STX18: variants seen among roughly 807,000 people sequenced by gnomAD.
STX18 encodes the protein syntaxin 18.
STX18 carries 40 observed loss-of-function variants against 50.1 expected under a neutral mutation model. The observed-to-expected ratio is 0.80, with a 90% CI of 0.62 to 1.04. The LOEUF is 1.04. Among genes scored for constraint, STX18 ranks in the 50% least tolerant of loss-of-function variants. The pLI, the probability that STX18 is intolerant of heterozygous loss-of-function variation, is 0.00. For missense variants in STX18, 410 were observed against 415.8 expected, an observed-to-expected ratio of 0.99 and a Z score of 0.12; for synonymous variants, 158 against 151.8, an observed-to-expected ratio of 1.04 and a Z score of -0.30.
At chr4:4,514,670 A>C (rs1255749551) in intron 1 of STX18, among the ~76,000 whole-genome samples, 3 of 152,178 alleles carry the variant, frequency 2.0e-5, no homozygotes, top group Non-Finnish European at 4.4e-5. Context: ...AATCCAGTGA[A>C]AGTGGCATAA....
intron 1 of STX18, among the ~76,000 whole-genome samples, chr4:4,500,607 C>T (rs556541724): frequency 3.9e-5 from 6 of 152,290 alleles, no homozygotes; most frequent in Middle Eastern, 3.4e-3. Context: ...GACCATATAG[C>T]CCTCATATAA....
chr4:4,509,147 A>G (rs561505504), intron 1 of STX18, among the ~76,000 whole-genome samples: 5 of 152,364 alleles, frequency 3.3e-5, no homozygotes, highest in Non-Finnish European at 5.9e-5. Context: ...ACTGTCTTCC[A>G]CAATGGTTGA....
chr4:4,507,554 G>T, intron 1 of STX18: 1 of 767,974 alleles, frequency 1.3e-6, no homozygotes. Flanking sequence ...AAGCGTCCCA[G>T]GAGTGCACTC....
intron 1 of STX18, among the ~76,000 whole-genome samples, chr4:4,473,718 TCCTTAC>T (rs1728038369): frequency 6.6e-6 from 1 of 152,172 alleles, no homozygotes; most frequent in African/African-American, 2.4e-5. Context: ...GGTTTCCATC[TCCTTAC>T]CTCCTTCCCC....
intron 2 of STX18, chr4:4,461,965 C>T (rs754258766): frequency 2.2e-5 from 10 of 456,338 alleles, no homozygotes; most frequent in South Asian, 1.5e-4. Flanking sequence ...AGGGGCCTGT[C>T]CCTGCTGTCT....
intron 5 of STX18, among the ~76,000 whole-genome samples, chr4:4,439,553 CACAT>C (rs1364430530): frequency 1.2e-4 from 17 of 144,356 alleles, no homozygotes; most frequent in African/African-American, 1.8e-4. Context: ...CAGAAACACA[CACAT>C]ATATACCCCC....
intron 2 of STX18, among the ~76,000 whole-genome samples, chr4:4,460,064 C>T (rs986746880): frequency 1.3e-5 from 2 of 152,172 alleles, no homozygotes; most frequent in African/African-American, 4.8e-5. Flanking sequence ...CCCTCCCTGA[C>T]ATTTTCTATC....
chr4:4,503,754 T>C (rs1198892415), intron 1 of STX18, among the ~76,000 whole-genome samples: 1 of 152,100 alleles, frequency 6.6e-6, no homozygotes, highest in Non-Finnish European at 1.5e-5. Context: ...GAGGAAAAGG[T>C]TGTAAAATTG....
chr4:4,512,481 G>GAGTT (rs2108894438), intron 1 of STX18, among the ~76,000 whole-genome samples: 2 of 152,282 alleles, frequency 1.3e-5, no homozygotes, highest in African/African-American at 4.8e-5. Flanking sequence ...GAGTGGGGAT[G>GAGTT]AGTTCCCAGG....
In STX18 at chr4:4,541,955, C is replaced by T; in HGVS notation, c.10G>A (p.Asp4Asn). 6.2e-7 allele frequency: 1 copy of T among 1,604,272 alleles called. No homozygotes were observed. The highest frequency in any genetic ancestry group is 1.1e-5 in the South Asian group (1 of 89,928). The change falls in exon 1 of 11, where the codon GAC (aspartate) becomes AAC (asparagine). Residue 4 changes from aspartate to asparagine, a missense_variant. By Grantham distance (23) the Asp-to-Asn change is conservative (BLOSUM62 1). Coordinates refer to ENST00000306200, the MANE Select transcript of STX18 (RefSeq NM_016930.4). MAV[D>N]ITLLFRASVK... ...CTGGCCCGGAATAGCAGCGTGATGT[C>T]CACCGCCATAGCGACCCGCACCCTC...
At position 4,511,970 on chromosome 4, in the gene STX18, T is replaced by C. The variant is rs181185568; in HGVS notation, c.168+29827A>G. On this transcript the variant is annotated intron_variant, in intron 1 of 10. Transcript: ENST00000306200. ...GGGGTGTTTGTGGGAGAGCTGTACA[T>C]TGTAGAATGTTTAGCAGCATTCCTG... Among the ~76,000 whole-genome samples the C allele has an allele frequency of 2.9e-3, 448 of 152,212 alleles. 2 individuals are homozygous for C. Among genetic ancestry groups the C allele is most frequent in the African/African-American group, 0.01 (429 of 41,528 alleles).
intron 1 of STX18, 23 bp downstream of exon 1, chr4:4,541,774 C>T (rs1476218641): frequency 4.4e-6 from 7 of 1,594,406 alleles, no homozygotes; most frequent in Non-Finnish European, 6.0e-6. Flanking sequence ...CTCAACCCGC[C>T]GTTTCCATAG....
intron 5 of STX18, among the ~76,000 whole-genome samples, chr4:4,453,966 C>A (rs937099797): frequency 1.3e-5 from 2 of 152,172 alleles, no homozygotes; most frequent in African/African-American, 4.8e-5. Context: ...AAGATAAGTA[C>A]AAAAATGAAG....
intron 1 of STX18, among the ~76,000 whole-genome samples, chr4:4,500,378 AT>A (rs1435611933): frequency 2.6e-5 from 4 of 152,182 alleles, no homozygotes; most frequent in African/African-American, 9.6e-5. Context: ...ACATGTGCAG[AT>A]TTTTTTCTTG....
At chr4:4,492,270 A>G (rs1728976688) in intron 1 of STX18, among the ~76,000 whole-genome samples, 1 of 152,116 alleles carries the variant, frequency 6.6e-6, no homozygotes, top group Non-Finnish European at 1.5e-5. Context: ...AGAAATAAGA[A>G]CCTTCTTTCG....
chr4:4,421,546 C>T (rs911800855), intron 9 of STX18, among the ~76,000 whole-genome samples: 5 of 152,184 alleles, frequency 3.3e-5, no homozygotes, highest in Admixed American at 6.5e-5. Context: ...TGAGCCACCG[C>T]GCAGGGCTGA....
At chr4:4,450,275 C>T (rs939316965) in intron 5 of STX18, among the ~76,000 whole-genome samples, 1 of 152,180 alleles carries the variant, frequency 6.6e-6, no homozygotes, top group Non-Finnish European at 1.5e-5. Flanking sequence ...ACAGACAGGG[C>T]TTTTCCCCTT....
intron 2 of STX18, among the ~76,000 whole-genome samples, chr4:4,461,299 A>G (rs761501980): frequency 6.6e-5 from 10 of 152,196 alleles, no homozygotes; most frequent in Non-Finnish European, 8.8e-5. Flanking sequence ...TTTTTCTCCC[A>G]GATTGTTTTG....
intron 1 of STX18, among the ~76,000 whole-genome samples, chr4:4,516,103 T>C (rs1323622647): frequency 3.9e-5 from 6 of 152,208 alleles, no homozygotes; most frequent in African/African-American, 1.2e-4. Context: ...CAAAACCCTA[T>C]GTTTGTTCAT....
Sources: allele counts gnomAD v4.1 joint callset (sites outside exome capture counted in the v4.1 genomes callset), GRCh38; gene constraint gnomAD v4.1.1; transcripts MANE v1.5; gene names NCBI Gene and HGNC (gene_info 2026-07-23, HGNC 2026-07-21).